Variants in BACE2 observed in about 807,000 individuals in gnomAD.
BACE2 encodes the protein beta-secretase 2, also known as 56 kDa aspartic-like protease.
BACE2 carries 17 observed loss-of-function variants against 46.2 expected under a neutral mutation model. That is an observed-to-expected ratio of 0.37 (90% confidence interval 0.25 to 0.55). BACE2 has a LOEUF of 0.55. Among genes scored for constraint, BACE2 ranks in the 20% least tolerant of loss-of-function variants. The pLI is 0.82. For missense variants in BACE2, 595 were observed against 698.1 expected, an observed-to-expected ratio of 0.85 and a Z score of 1.66; for synonymous variants, 277 against 295.9, an observed-to-expected ratio of 0.94 and a Z score of 0.66.
chr21:41,246,056 C>A lies in BACE2; in HGVS notation c.977C>A (p.Ala326Glu). 1 of 1,601,434 alleles carries A rather than the reference C, an allele frequency of 6.2e-7. No individual in the cohort carries two copies. The highest frequency in any genetic ancestry group is 8.5e-7 in the Non-Finnish European group (1 of 1,173,816). The stretch of plus-strand genomic sequence containing the variant: ...GCGGTGGTGGAAGCTGTGGCCCGCG[C>A]ATCTCTGGTGAGTCCTCGGGACACT... ...FDAVVEAVAR[A>E]SLIPEFSDGF... The change falls in exon 6 of 9, where the codon GCA (alanine) becomes GAA (glutamate). Residue 326 changes from alanine (A) to glutamate (E), a missense_variant. Transcript: ENST00000330333.
chr21:41,269,642 T>G (rs985756586), intron 8 of BACE2, among the ~76,000 whole-genome samples: 1 of 152,244 alleles, frequency 6.6e-6, no homozygotes. Flanking sequence ...TAAAATTATT[T>G]TGAGGTTCAT....
At chr21:41,211,693 T>C (rs1986307500) in intron 1 of BACE2, among the ~76,000 whole-genome samples, 1 of 152,202 alleles carries the variant, frequency 6.6e-6, no homozygotes. Context: ...TTAGGAATCG[T>C]TGTGTTAAAT....
At chr21:41,203,614 C>G (rs1413059833) in intron 1 of BACE2, among the ~76,000 whole-genome samples, 1 of 152,160 alleles carries the variant, frequency 6.6e-6, no homozygotes. Context: ...GCTGATCATG[C>G]CTCTGGGCCC....
At position 41,229,212 on chromosome 21, in the gene BACE2, G is replaced by A. The variant is rs373170948; in HGVS notation, c.401+2858G>A. 1.1e-4 allele frequency among the ~76,000 whole-genome samples: 17 copies of A among 152,326 alleles called. 1 individual carries two copies. Among genetic ancestry groups the A allele is most frequent in the South Asian group, 4.1e-4 (2 of 4,828 alleles). Reference sequence around the variant, plus strand: ...TGCTGGGCTCTAGTCTGTACGACACGTTTTCCACGTTTCCCCCTCACTGGG... The same window carrying A: ...TGCTGGGCTCTAGTCTGTACGACACATTTTCCACGTTTCCCCCTCACTGGG... On this transcript the variant is annotated intron_variant, in intron 2 of 8. Coordinates refer to ENST00000330333, the MANE Select transcript of BACE2 (RefSeq NM_012105.5).
chr21:41,168,498 GC>G lies in BACE2; in HGVS notation c.237del (p.Met80TrpfsTer2). The G allele has an allele frequency of 7.2e-7, 1 of 1,387,662 alleles. No homozygotes were observed. The highest frequency in any genetic ancestry group is 1.9e-5 in the South Asian group (1 of 52,232). 86.0% of individuals were successfully genotyped at this position (1,387,662 alleles called of 1,614,324 possible). A position where few individuals can be genotyped will look rare whatever the true frequency, so the allele number is the denominator to read the frequency against. On this transcript the variant is annotated frameshift_variant, in exon 1 of 9. Transcript: ENST00000330333. LOFTEE classifies it high-confidence loss of function. ...CCCCGCGGGCGCCGCCAACTTCTTG[GC>G]CATGGTAGACAACCTGCAGGGGGAC... ...ASPAGAANFL[A>X]MVDNLQGDSG...
At chr21:41,250,311 T>TGGAA (rs1469176109) in intron 6 of BACE2, among the ~76,000 whole-genome samples, 3 of 152,156 alleles carry the variant, frequency 2.0e-5, no homozygotes, top group Non-Finnish European at 4.4e-5. Flanking sequence ...GCTGGGCTTA[T>TGGAA]GGAATTCAGA....
At chr21:41,259,775 C>CT (rs1436717924) in intron 8 of BACE2, among the ~76,000 whole-genome samples, 1 of 151,964 alleles carries the variant, frequency 6.6e-6, no homozygotes, top group African/African-American at 2.4e-5. Flanking sequence ...TCACAACTCT[C>CT]TATCACCTTC....
At chr21:41,268,408 G>A (rs994635139) in intron 8 of BACE2, among the ~76,000 whole-genome samples, 2 of 152,194 alleles carry the variant, frequency 1.3e-5, no homozygotes, top group African/African-American at 4.8e-5. Context: ...AGTAGCGTAA[G>A]TAATAAATGC....
At chr21:41,197,270 TTTTTG>T (rs1347583306) in intron 1 of BACE2, among the ~76,000 whole-genome samples, 1 of 149,648 alleles carries the variant, frequency 6.7e-6, no homozygotes, top group Non-Finnish European at 1.5e-5. Flanking sequence ...AGCCAGGTTT[TTTTTG>T]TTTTTTTTTT....
At chr21:41,255,832 C>T (rs1197561406) in intron 7 of BACE2, among the ~76,000 whole-genome samples, 1 of 152,196 alleles carries the variant, frequency 6.6e-6, no homozygotes, top group Non-Finnish European at 1.5e-5. Context: ...TTTTATTTAA[C>T]CTTGTATAAC....
chr21:41,260,530 G>A (rs1266664000), intron 8 of BACE2, among the ~76,000 whole-genome samples: 1 of 152,214 alleles, frequency 6.6e-6, no homozygotes, highest in Non-Finnish European at 1.5e-5. Context: ...GGCTGCAGCT[G>A]TCTGAAGTCC....
rs1320770770 is a variant in BACE2 at position 41,275,485 on chromosome 21, A to G, written c.1418A>G (p.Tyr473Cys). Residue 473 changes from tyrosine (Y) to cysteine (C), a missense_variant, in exon 9 of 9, where the codon TAT (tyrosine) becomes TGT (cysteine). By Grantham distance (194) the Tyr-to-Cys change is radical. This residue lies in a region of BACE2 where 343 missense variants were observed against 419.4 expected (regional missense o/e 0.82). Coordinates refer to ENST00000330333, the MANE Select transcript of BACE2 (RefSeq NM_012105.5). ...GAGCCCATTTTGTGGATTGTGTCCT[A>G]TGCGCTCATGAGCGTCTGTGGAGCC... The part of the protein sequence containing the change: ...LSEPILWIVS[Y>C]ALMSVCGAIL... 2.0e-5 allele frequency: 33 copies of G among 1,613,920 alleles called. No individual in the cohort carries two copies. Among genetic ancestry groups the G allele is most frequent in the Non-Finnish European group, 2.6e-5 (31 of 1,180,016 alleles).
chr21:41,174,433 G>T (rs980978958), intron 1 of BACE2, among the ~76,000 whole-genome samples: 1 of 152,070 alleles, frequency 6.6e-6, no homozygotes, highest in African/African-American at 2.4e-5. Context: ...GAGCCACCGC[G>T]CGGCCAAGTG....
At chr21:41,265,636 G>T (rs999617380) in intron 8 of BACE2, among the ~76,000 whole-genome samples, 2 of 151,904 alleles carry the variant, frequency 1.3e-5, no homozygotes, top group Non-Finnish European at 2.9e-5. Context: ...TTTGCCCATT[G>T]TTTTCTGTTG....
chr21:41,222,735 G>A (rs905022508), intron 1 of BACE2, among the ~76,000 whole-genome samples: 4 of 152,252 alleles, frequency 2.6e-5, no homozygotes, highest in Admixed American at 2.6e-4. Flanking sequence ...GACGAGGAGG[G>A]GATGACAGTG....
chr21:41,251,959 G>A (rs1242864376), intron 7 of BACE2, among the ~76,000 whole-genome samples: 2 of 152,012 alleles, frequency 1.3e-5, no homozygotes, highest in African/African-American at 4.8e-5. Flanking sequence ...GTCTTCCTCA[G>A]TCCCATTTCT....
intron 1 of BACE2, among the ~76,000 whole-genome samples, chr21:41,214,895 T>A (rs117416085): frequency 0.017 from 2,554 of 151,608 alleles, 33 homozygotes; most frequent in Non-Finnish European, 0.024. Flanking sequence ...CACAGAAGCC[T>A]TGGGAACACC....
At position 41,219,023 on chromosome 21, in the gene BACE2, C is replaced by T. The variant is rs368657856; in HGVS notation, c.313-7243C>T. 5.1e-3 allele frequency among the ~76,000 whole-genome samples: 770 copies of T among 152,162 alleles called. 5 individuals carry two copies. The highest frequency in any genetic ancestry group is 8.5e-3 in the Non-Finnish European group (579 of 68,006). ...GACTACAGGTGTGCGCCACCACACC[C>T]GGCTAATTTTTGTATTTTTAGTAGA... is the stretch of plus-strand genomic sequence containing the variant. On this transcript the variant is annotated intron_variant, in intron 1 of 8. Coordinates refer to ENST00000330333, the MANE Select transcript of BACE2 (RefSeq NM_012105.5).
intron 1 of BACE2, among the ~76,000 whole-genome samples, chr21:41,169,235 C>T: frequency 6.6e-6 from 1 of 151,874 alleles, no homozygotes; most frequent in Middle Eastern, 3.2e-3. Flanking sequence ...CCCCTCTGCA[C>T]GGAGCGATGC....
Sources: allele counts gnomAD v4.1 joint callset (sites outside exome capture counted in the v4.1 genomes callset), GRCh38; gene constraint gnomAD v4.1.1; regional missense constraint gnomAD v4.1.1; transcripts MANE v1.5; gene names NCBI Gene and HGNC (gene_info 2026-07-23, HGNC 2026-07-21).